IKBKE: variants seen among roughly 807,000 people sequenced by gnomAD.
IKBKE encodes inhibitor of nuclear factor kappa-B kinase subunit epsilon.
In IKBKE, 45 loss-of-function variants were observed where a neutral mutation model predicts 92.1. That is an observed-to-expected ratio of 0.49 (90% confidence interval 0.38 to 0.63). The LOEUF (loss-of-function observed/expected upper bound fraction) is 0.63. Among genes scored for constraint, IKBKE ranks in the 20% least tolerant of loss-of-function variants. The pLI is 0.00. For missense variants in IKBKE, 700 were observed against 932.8 expected, an observed-to-expected ratio of 0.75 and a Z score of 3.25; for synonymous variants, 374 against 380.3, an observed-to-expected ratio of 0.98 and a Z score of 0.19.
At chr1:206,473,353 C>T (rs1664881560) in intron 3 of IKBKE, 39 bp downstream of exon 3, 2 of 1,483,266 alleles carry the variant, frequency 1.3e-6, no homozygotes. Context: ...CCAGCCCAGC[C>T]TTGGCCCCCT....
At chr1:206,496,024 C>A in intron 21 of IKBKE, 88 bp from the exon 22 acceptor site, 2 of 1,021,346 alleles carry the variant, frequency 2.0e-6, no homozygotes, top group Non-Finnish European at 3.0e-6. Flanking sequence ...GCTCAGTGTT[C>A]TTGAAAGCTA....
chr1:206,474,724 T>A (rs1294707040), intron 4 of IKBKE, 141 bp from the exon 5 acceptor site: 9 of 994,050 alleles, frequency 9.1e-6, no homozygotes, highest in Non-Finnish European at 1.3e-5. Flanking sequence ...GCGGGATCAG[T>A]GTGAGGCCAA....
At position 206,476,372 on chromosome 1, in the gene IKBKE, C is replaced by A; in HGVS notation, c.540+10C>A. On this transcript the variant is annotated intron_variant, in intron 6 of 21. Coordinates refer to ENST00000581977, the MANE Select transcript of IKBKE (RefSeq NM_014002.4). This position sits in a 1 kb window ranked among gnomAD's most constrained non-coding sequence, Gnocchi z 5.1. The stretch of plus-strand genomic sequence containing the variant: ...GACTGAGGAGTACCTGGTGGGTGAG[C>A]TGCTCGAGACCCGCTGCCCTATGCT... 2 of 1,597,122 alleles carry A rather than the reference C, an allele frequency of 1.3e-6. No individual in the cohort carries two copies. The highest frequency in any genetic ancestry group is 1.7e-6 in the Non-Finnish European group (2 of 1,169,476).
Position 206,476,545 on chromosome 1 carries a change from C to A in IKBKE, c.541-133C>A. On this transcript the variant is annotated intron_variant, in intron 6 of 21. Coordinates refer to ENST00000581977, the MANE Select transcript of IKBKE (RefSeq NM_014002.4). The surrounding 1 kb of genome is among the most constrained non-coding windows in gnomAD (Gnocchi z 5.1). ...TAAGATGGAAAAGGTGAGGCTGACA[C>A]CCATTTTTAAGATGACAAAGAAGGA... 8.3e-7 allele frequency: 1 copy of A among 1,199,658 alleles called. No homozygotes were observed. 74.3% of individuals were successfully genotyped at this position (1,199,658 alleles called of 1,614,324 possible). A position where few individuals can be genotyped will look rare whatever the true frequency, so the allele number is the denominator to read the frequency against.
In IKBKE at chr1:206,490,890, G is replaced by A; in HGVS notation, c.1733+32G>A. 1 of 1,607,334 alleles carries A rather than the reference G, an allele frequency of 6.2e-7. No individual in the cohort carries two copies. The highest frequency in any genetic ancestry group is 8.5e-7 in the Non-Finnish European group (1 of 1,174,164). ...GGCCTGTCCTCCGGCAGGTGGGTGG[G>A]CAGGAGGGTGGGTGTCCTCAGGGCA... On this transcript the variant is annotated intron_variant, in intron 17 of 21. Coordinates refer to ENST00000581977, the MANE Select transcript of IKBKE (RefSeq NM_014002.4). This position sits in a 1 kb window ranked among gnomAD's most constrained non-coding sequence, Gnocchi z 5.2.
At chr1:206,491,627 C>T (rs782444230) in intron 17 of IKBKE, 21 bp from the exon 18 acceptor site, 2 of 1,585,376 alleles carry the variant, frequency 1.3e-6, no homozygotes, top group Non-Finnish European at 1.7e-6. Flanking sequence ...TCATCTGCAC[C>T]TTGGTTCTCT....
chr1:206,496,061 T>G, intron 21 of IKBKE, 51 bp from the exon 22 acceptor site: 1 of 1,485,440 alleles, frequency 6.7e-7, no homozygotes, highest in Non-Finnish European at 9.4e-7. Context: ...GAGTGTGGTC[T>G]GCAGGCCTCT....
chr1:206,479,302 C>A (rs1191508856), intron 10 of IKBKE, among the ~76,000 whole-genome samples, 169 bp downstream of exon 10: 1 of 152,242 alleles, frequency 6.6e-6, no homozygotes, highest in East Asian at 1.9e-4. Context: ...TGAGATGCCA[C>A]ATGACGTGGG....
At position 206,476,598 on chromosome 1, in the gene IKBKE, G is replaced by T; in HGVS notation, c.541-80G>T. ...TGAACAGTTCTGTTTTCACCTGCAG[G>T]CGGTGAAAGGGGGTCTGACAGGTCT... On this transcript the variant is annotated intron_variant, in intron 6 of 21. Transcript: ENST00000581977. This position sits in a 1 kb window ranked among gnomAD's most constrained non-coding sequence, Gnocchi z 5.1. The T allele has an allele frequency of 6.7e-7, 1 of 1,496,070 alleles. No homozygotes were observed. Among genetic ancestry groups the T allele is most frequent in the Non-Finnish European group, 9.2e-7 (1 of 1,083,746 alleles). The allele number at this position is 1,496,070 out of a possible 1,614,324, so 92.7% of individuals were successfully genotyped here.
At chr1:206,482,755 A>T (rs1665472734) in intron 13 of IKBKE, among the ~76,000 whole-genome samples, 1 of 152,148 alleles carries the variant, frequency 6.6e-6, no homozygotes, top group Admixed American at 6.5e-5. Context: ...GGGTTGCATG[A>T]TCTCTGCGGC....
intron 17 of IKBKE, 102 bp from the exon 18 acceptor site, chr1:206,491,546 T>C: frequency 3.7e-6 from 3 of 801,844 alleles, no homozygotes; most frequent in Admixed American, 1.9e-5. Flanking sequence ...CTTGGGCACT[T>C]ACGACAAGGT....
chr1:206,490,396 T>C lies in IKBKE; in HGVS notation c.1694-423T>C, dbSNP rs1471797899. On this transcript the variant is annotated intron_variant, in intron 16 of 21. Transcript: ENST00000581977. This position sits in a 1 kb window ranked among gnomAD's most constrained non-coding sequence, Gnocchi z 5.2. ...AAGGTGGTGGCCTGATTTCTCCAGCTCGTTGCAGGTAGCGCCCATGAACAT... is the reference window on the plus strand; with the variant it reads ...AAGGTGGTGGCCTGATTTCTCCAGCCCGTTGCAGGTAGCGCCCATGAACAT... Among the ~76,000 whole-genome samples the C allele has an allele frequency of 1.3e-5, 2 of 152,070 alleles. No homozygotes were observed. Among genetic ancestry groups the C allele is most frequent in the Non-Finnish European group, 2.9e-5 (2 of 67,990 alleles).
chr1:206,492,424 C>T lies in IKBKE; in HGVS notation c.1836-599C>T, dbSNP rs192734624. The stretch of plus-strand genomic sequence containing the variant: ...TGGGGCTGAGACCTTGGCACTCACC[C>T]GTCCTCATATCAGAATACCAATGCC... On this transcript the variant is annotated intron_variant, in intron 18 of 21. Coordinates refer to ENST00000581977, the MANE Select transcript of IKBKE (RefSeq NM_014002.4). 83 of 471,156 alleles carry T rather than the reference C, an allele frequency of 1.8e-4. 1 individual carries two copies. The highest frequency in any genetic ancestry group is 7.4e-4 in the South Asian group (48 of 64,524). 29.2% of individuals were successfully genotyped at this position (471,156 alleles called of 1,614,324 possible).
chr1:206,473,647 T>C (rs1664896738), intron 3 of IKBKE, among the ~76,000 whole-genome samples: 1 of 152,132 alleles, frequency 6.6e-6, no homozygotes, highest in Admixed American at 6.5e-5. Flanking sequence ...ATGTATGAGA[T>C]GATATCCACT....
intron 2 of IKBKE, among the ~76,000 whole-genome samples, chr1:206,472,688 G>A (rs1192532716): frequency 1.3e-5 from 2 of 152,138 alleles, no homozygotes; most frequent in African/African-American, 2.4e-5. Flanking sequence ...TGGTGGGCCT[G>A]GCAGGCAGGC....
chr1:206,476,471 A>C lies in IKBKE; in HGVS notation c.540+109A>C. On this transcript the variant is annotated intron_variant, in intron 6 of 21. Coordinates refer to ENST00000581977, the MANE Select transcript of IKBKE (RefSeq NM_014002.4). This position sits in a 1 kb window ranked among gnomAD's most constrained non-coding sequence, Gnocchi z 5.1. Reference sequence around the variant, plus strand: ...GTGGCCCACCTCCTGCTTCCACAGGAGTTATGTCTCTCCCCTGTACCCCAA... The same window carrying C: ...GTGGCCCACCTCCTGCTTCCACAGGCGTTATGTCTCTCCCCTGTACCCCAA... 8.1e-7 allele frequency: 1 copy of C among 1,239,434 alleles called. No individual in the cohort carries two copies. Among genetic ancestry groups the C allele is most frequent in the South Asian group, 1.4e-5 (1 of 71,642 alleles). 76.8% of individuals were successfully genotyped at this position (1,239,434 alleles called of 1,614,324 possible).
intron 16 of IKBKE, among the ~76,000 whole-genome samples, chr1:206,489,220 T>C (rs1401222219): frequency 2.0e-5 from 3 of 147,864 alleles, no homozygotes; most frequent in Non-Finnish European, 4.5e-5. Flanking sequence ...ATATTTCACA[T>C]ATATATATAT....
intron 21 of IKBKE, 44 bp downstream of exon 21, chr1:206,494,035 G>A: frequency 6.4e-7 from 1 of 1,554,634 alleles, no homozygotes. Context: ...GGGTCTTCAA[G>A]CTACCCTTGC....
chr1:206,482,282 A>T (rs1194152221), intron 13 of IKBKE, among the ~76,000 whole-genome samples: 1 of 152,194 alleles, frequency 6.6e-6, no homozygotes, highest in Admixed American at 6.5e-5. Context: ...GAAAGAAGGC[A>T]TAGAGGCCCT....
Sources: gnomAD v4.1 joint callset for allele counts (sites outside exome capture counted in the v4.1 genomes callset) on GRCh38, gnomAD v4.1.1 for gene constraint, Gnocchi (gnomAD v3.1) non-coding constraint, MANE v1.5 for transcripts, NCBI Gene and HGNC (gene_info 2026-07-23, HGNC 2026-07-21) for gene names.